CSMD1: variants seen among roughly 807,000 people sequenced by gnomAD.
CSMD1 encodes the protein CUB and Sushi multiple domains 1.
In CSMD1, 213 loss-of-function variants were observed where a neutral mutation model predicts 417.5. The observed-to-expected ratio is 0.51, with a 90% CI of 0.46 to 0.57. The LOEUF is 0.57. Among genes scored for constraint, CSMD1 ranks in the 20% least tolerant of loss-of-function variants. The probability of loss-of-function intolerance (pLI) is 0.00; values close to 1 mark genes in which losing one functional copy is unlikely to be tolerated. For missense variants in CSMD1, 6,923 were observed against 4,529.7 expected (o/e 1.53, Z -15.17); for synonymous variants, 2,862 against 1,736.8 (o/e 1.65, Z -16.11).
At chr8:4,715,179 C>G (rs1038204204) in intron 1 of CSMD1, among the ~76,000 whole-genome samples, 1 of 152,036 alleles carries the variant, frequency 6.6e-6, no homozygotes, top group South Asian at 2.1e-4. Flanking sequence ...TCTATTATTT[C>G]GCAGAAAAAG....
intron 3 of CSMD1, among the ~76,000 whole-genome samples, chr8:4,183,427 C>G (rs922910135): frequency 6.6e-6 from 1 of 152,166 alleles, no homozygotes; most frequent in Non-Finnish European, 1.5e-5. Flanking sequence ...TACTGTGGGT[C>G]ACAGCTTGTC....
chr8:3,538,668 T>C (rs541970420), intron 10 of CSMD1, among the ~76,000 whole-genome samples: 30 of 152,364 alleles, frequency 2.0e-4, no homozygotes, highest in African/African-American at 6.7e-4. Flanking sequence ...GACTGGCCTT[T>C]TCTTCCTTAG....
intron 50 of CSMD1, among the ~76,000 whole-genome samples, chr8:3,051,202 G>A (rs141617361): frequency 6.6e-6 from 1 of 152,184 alleles, no homozygotes; most frequent in Non-Finnish European, 1.5e-5. Context: ...CAACCCAAAT[G>A]CCCATCAGTG....
chr8:3,510,890 A>T (rs905123905), intron 10 of CSMD1, among the ~76,000 whole-genome samples: 2 of 151,778 alleles, frequency 1.3e-5, no homozygotes, highest in Admixed American at 1.3e-4. Context: ...AGTTCCTTGT[A>T]GGTTCTGGAT....
At chr8:4,172,371 T>A (rs1407112723) in intron 3 of CSMD1, among the ~76,000 whole-genome samples, 1 of 152,068 alleles carries the variant, frequency 6.6e-6, no homozygotes, top group South Asian at 2.1e-4. Context: ...TTACCTATAA[T>A]TAAATCAAAT....
At chr8:3,661,489 A>G (rs961208281) in intron 7 of CSMD1, among the ~76,000 whole-genome samples, 1 of 147,724 alleles carries the variant, frequency 6.8e-6, no homozygotes. Context: ...TCATTGCTCA[A>G]TTAAACTGAT....
chr8:4,404,324 C>T (rs765535039), intron 3 of CSMD1, among the ~76,000 whole-genome samples: 62 of 152,098 alleles, frequency 4.1e-4, no homozygotes, highest in Non-Finnish European at 7.8e-4. Flanking sequence ...TATGATGTGG[C>T]TTTCTCCACT....
intron 2 of CSMD1, among the ~76,000 whole-genome samples, chr8:4,489,559 G>A (rs1257477492): frequency 2.6e-5 from 4 of 152,146 alleles, no homozygotes; most frequent in East Asian, 1.9e-4. Flanking sequence ...GGCTATGAAG[G>A]TGCCACCCTC....
chr8:3,304,320 A>C (rs979233942), intron 25 of CSMD1, among the ~76,000 whole-genome samples: 3 of 152,014 alleles, frequency 2.0e-5, no homozygotes, highest in African/African-American at 7.3e-5. Context: ...AGACTTAGTA[A>C]CCATGCAAGC....
At chr8:3,064,398 T>C (rs1441087310) in intron 49 of CSMD1, among the ~76,000 whole-genome samples, 1 of 152,134 alleles carries the variant, frequency 6.6e-6, no homozygotes, top group East Asian at 1.9e-4. Flanking sequence ...TGCTGCCATG[T>C]GAAGAAGGGA....
chr8:3,691,486 T>A (rs1800241962), intron 7 of CSMD1, among the ~76,000 whole-genome samples: 1 of 152,218 alleles, frequency 6.6e-6, no homozygotes, highest in Non-Finnish European at 1.5e-5. Flanking sequence ...TATTTCAATG[T>A]TTCACTGCAA....
intron 5 of CSMD1, among the ~76,000 whole-genome samples, chr8:3,862,883 T>C (rs539965010): frequency 2.0e-5 from 3 of 152,166 alleles, no homozygotes; most frequent in Non-Finnish European, 4.4e-5. Flanking sequence ...TATTACTGTG[T>C]CTTAGTTCAT....
chr8:4,353,527 A>G (rs866113717), intron 3 of CSMD1, among the ~76,000 whole-genome samples: 2 of 152,090 alleles, frequency 1.3e-5, no homozygotes, highest in African/African-American at 2.4e-5. Flanking sequence ...ATCTCAATAT[A>G]AAAATCAGAC....
intron 8 of CSMD1, among the ~76,000 whole-genome samples, chr8:3,604,882 T>C (rs989470734): frequency 6.6e-6 from 1 of 152,202 alleles, no homozygotes; most frequent in Admixed American, 6.5e-5. Context: ...ACGCTCTGTG[T>C]TCACCTGCTT....
At chr8:3,544,704 G>A (rs1798587118) in intron 10 of CSMD1, among the ~76,000 whole-genome samples, 1 of 152,132 alleles carries the variant, frequency 6.6e-6, no homozygotes, top group Non-Finnish European at 1.5e-5. Context: ...AGCCACAGAA[G>A]CTTGACTAGA....
chr8:3,877,463 A>G (rs1186373204), intron 5 of CSMD1, among the ~76,000 whole-genome samples: 2 of 152,172 alleles, frequency 1.3e-5, no homozygotes, highest in Non-Finnish European at 2.9e-5. Flanking sequence ...AGCAGGCCCT[A>G]CAGCTCTCTC....
intron 1 of CSMD1, among the ~76,000 whole-genome samples, chr8:4,721,063 C>T (rs543825678): frequency 2.6e-5 from 4 of 152,254 alleles, no homozygotes; most frequent in African/African-American, 9.6e-5. Flanking sequence ...AATAATAAAC[C>T]TCTCAAGAGT....
At chr8:3,970,457 G>A (rs1488643133) in intron 5 of CSMD1, among the ~76,000 whole-genome samples, 1 of 152,112 alleles carries the variant, frequency 6.6e-6, no homozygotes, top group Non-Finnish European at 1.5e-5. Flanking sequence ...AGAAACTCTT[G>A]TCTCTTCTGT....
At chr8:3,651,885 ATGCTTACTACCATCAGAG>A (rs1399789295) in intron 7 of CSMD1, among the ~76,000 whole-genome samples, 1 of 150,176 alleles carries the variant, frequency 6.7e-6, no homozygotes, top group Admixed American at 6.6e-5. Flanking sequence ...CACCATCAGA[ATGCTTACTACCATCAGAG>A]TGCTTACCAT....
Sources: allele counts gnomAD v4.1 joint callset (sites outside exome capture counted in the v4.1 genomes callset), GRCh38; gene constraint gnomAD v4.1.1; transcripts MANE v1.5; gene names NCBI Gene and HGNC (gene_info 2026-07-23, HGNC 2026-07-21).